LVRN: variants seen among roughly 807,000 people sequenced by gnomAD.
LVRN encodes aminopeptidase Q.
LVRN carries 99 observed loss-of-function variants against 111.4 expected under a neutral mutation model. The observed-to-expected ratio is 0.89, with a 90% CI of 0.76 to 1.05. The LOEUF is 1.05. Among genes scored for constraint, LVRN ranks in the 50% least tolerant of loss-of-function variants. The probability of loss-of-function intolerance (pLI) is 0.00; values close to 1 mark genes in which losing one functional copy is unlikely to be tolerated. For missense variants in LVRN, 1,414 were observed against 1,206.8 expected, an observed-to-expected ratio of 1.17 and a Z score of -2.54; for synonymous variants, 488 against 449.5, an observed-to-expected ratio of 1.09 and a Z score of -1.08.
At chr5:115,975,117 G>A (rs1753413462) in intron 1 of LVRN, 2 of 400,130 alleles carry the variant, frequency 5.0e-6, no homozygotes, top group South Asian at 2.2e-5. Context: ...ACAAGCATGG[G>A]CTCTTTCAAA....
rs1005293792 is a variant in LVRN, at chr5:115,997,544, G to A, written c.1375-2218G>A. 3.3e-5 allele frequency among the ~76,000 whole-genome samples: 5 copies of A among 151,924 alleles called. No individual in the cohort carries two copies. The South Asian group carries it at 8.3e-4, about 25-fold the overall frequency. On this transcript the variant is annotated intron_variant, in intron 6 of 19. Coordinates refer to ENST00000357872, the MANE Select transcript of LVRN (RefSeq NM_173800.5). ...CAGGGCATGGTGCTGCACCCTTGTA[G>A]TCCTAGCTACTCAGGAGGCTGCAGT... is the stretch of plus-strand genomic sequence containing the variant.
intron 18 of LVRN, chr5:116,021,725 T>C (rs1438965643): frequency 6.6e-6 from 3 of 452,676 alleles, no homozygotes; most frequent in African/African-American, 2.0e-5. Flanking sequence ...TTTATTTACT[T>C]TTTTAACTAC....
intron 15 of LVRN, among the ~76,000 whole-genome samples, chr5:116,012,921 T>C (rs1457029637): frequency 6.6e-6 from 1 of 152,186 alleles, no homozygotes; most frequent in Non-Finnish European, 1.5e-5. Flanking sequence ...GTCACTGCTA[T>C]AGGTCTGTGA....
At chr5:115,983,256 TA>T (rs367737125) in intron 1 of LVRN, 30 bp from the exon 2 acceptor site, 1 of 1,504,862 alleles carries the variant, frequency 6.6e-7, no homozygotes, top group South Asian at 1.3e-5. Context: ...GAAATAAAAA[TA>T]AATAAAAATT....
chr5:115,988,654 G>A (rs1170193539), intron 4 of LVRN, among the ~76,000 whole-genome samples: 1 of 152,184 alleles, frequency 6.6e-6, no homozygotes, highest in Non-Finnish European at 1.5e-5. Flanking sequence ...GAAGAAGGTA[G>A]GGAGTAAATA....
intron 6 of LVRN, among the ~76,000 whole-genome samples, chr5:115,994,179 T>C: frequency 6.6e-6 from 1 of 152,160 alleles, no homozygotes; most frequent in East Asian, 1.9e-4. Context: ...TTAAAAAAGA[T>C]TTTAAATGAC....
At position 115,992,186 on chromosome 5, in the gene LVRN, A is replaced by G. The variant is rs1447523216; in HGVS notation, c.1169A>G (p.Asp390Gly). Residue 390 changes from aspartate (D) to glycine (G), a missense_variant, in exon 5 of 20, where the codon GAT becomes GGT. Physicochemically the swap from Asp to Gly is moderately conservative, Grantham distance 94 (BLOSUM62 -1). Coordinates refer to ENST00000357872, the MANE Select transcript of LVRN (RefSeq NM_173800.5). ...GAAAACTGGGGACTAATGATATTTG[A>G]TGAATCAGGATTGTTGTTGGAACCA... ...AMENWGLMIF[D>G]ESGLLLEPKD... 9 of 1,614,008 alleles carry G rather than the reference A, an allele frequency of 5.6e-6. No individual in the cohort carries two copies. The highest frequency in any genetic ancestry group is 6.8e-6 in the Non-Finnish European group (8 of 1,179,896).
At chr5:115,973,309 A>G (rs751997194) in intron 1 of LVRN, among the ~76,000 whole-genome samples, 4 of 152,192 alleles carry the variant, frequency 2.6e-5, no homozygotes, top group African/African-American at 7.2e-5. Context: ...GATTTGCTCA[A>G]ATTTTGCTTA....
intron 1 of LVRN, among the ~76,000 whole-genome samples, chr5:115,964,844 C>T (rs1321804048): frequency 6.6e-6 from 1 of 152,204 alleles, no homozygotes; most frequent in Non-Finnish European, 1.5e-5. Context: ...CAAGGTAGAG[C>T]TCCAAAATTG....
chr5:115,982,663 T>A (rs1453737095), intron 1 of LVRN, among the ~76,000 whole-genome samples: 1 of 152,048 alleles, frequency 6.6e-6, no homozygotes, highest in African/African-American at 2.4e-5. Flanking sequence ...AAGTCACCAG[T>A]GTGTGGTGGG....
At chr5:116,016,704 T>C (rs967022966) in intron 18 of LVRN, among the ~76,000 whole-genome samples, 4 of 152,208 alleles carry the variant, frequency 2.6e-5, no homozygotes, top group African/African-American at 9.7e-5. Context: ...TCCATACAGT[T>C]TGACTACATA....
chr5:116,001,222 G>C lies in LVRN; in HGVS notation c.1803G>C (p.Arg601=). 1 of 1,613,748 alleles carries C rather than the reference G, an allele frequency of 6.2e-7. No individual in the cohort carries two copies. The highest frequency in any genetic ancestry group is 1.1e-5 in the South Asian group (1 of 90,966). ...EPFYLENIKN[R]TLLTSNDTWI... ...TTTATCTTGAAAACATTAAAAATCG[G>C]ACTCTTCTAACCAGCAAGTAGGTAG... The change falls in exon 10 of 20, where the codon CGG becomes CGC. Residue 601 remains arginine (R), a synonymous_variant. Transcript: ENST00000357872.
chr5:115,983,766 A>C (rs184152768), intron 2 of LVRN, among the ~76,000 whole-genome samples: 96 of 152,300 alleles, frequency 6.3e-4, no homozygotes, highest in African/African-American at 2.0e-3. Flanking sequence ...CAGTTGGCTC[A>C]TGTGCCTTTT....
chr5:116,002,273 T>G (rs1355552108), intron 10 of LVRN, among the ~76,000 whole-genome samples: 1 of 152,194 alleles, frequency 6.6e-6, no homozygotes, highest in Non-Finnish European at 1.5e-5. Flanking sequence ...GTGTGTCTCT[T>G]GCGATGACGA....
chr5:116,010,786 C>A lies in LVRN; in HGVS notation c.2139C>A (p.Tyr713Ter). 2.5e-6 allele frequency: 4 copies of A among 1,609,412 alleles called. No individual in the cohort carries two copies. In the Middle Eastern group the frequency reaches 6.6e-4, roughly 267 times the overall value. The stretch of plus-strand genomic sequence containing the variant: ...AAACAGCACTTGAGTTAACCAAGTA[C>A]CTTGCTGAAGAAGATGAAATTATAG... Reference protein sequence around the residue: ...EIETALELTKYLAEEDEIIVW... With the variant: ...EIETALELTK Residue 713 changes from tyrosine to a stop codon, truncating the protein, a stop_gained, in exon 14 of 20, where the codon TAC becomes TAA. Coordinates refer to ENST00000357872, the MANE Select transcript of LVRN (RefSeq NM_173800.5). LOFTEE classifies it high-confidence loss of function.
At chr5:116,004,817 A>G (rs532853966) in intron 12 of LVRN, among the ~76,000 whole-genome samples, 8 of 152,320 alleles carry the variant, frequency 5.3e-5, no homozygotes, top group African/African-American at 1.7e-4. Context: ...AAATAAGTTG[A>G]TATATGTATT....
Position 116,011,037 on chromosome 5 carries a change from A to G in LVRN, c.2247+143A>G, listed in dbSNP as rs1390610490. 5.5e-5 allele frequency: 10 copies of G among 182,362 alleles called. No individual in the cohort carries two copies. In the Admixed American group the frequency reaches 1.1e-3, roughly 20 times the overall value. The allele number at this position is 182,362 out of a possible 1,614,324, so 11.3% of individuals were successfully genotyped here. ...TATATATATATATATGGAAGTATATACATTTCCTTAACAAGGGCTGATTGA... is the reference window on the plus strand; with the variant it reads ...TATATATATATATATGGAAGTATATGCATTTCCTTAACAAGGGCTGATTGA... On this transcript the variant is annotated intron_variant, in intron 14 of 19. Transcript: ENST00000357872.
At chr5:115,983,785 G>A (rs1747775402) in intron 2 of LVRN, among the ~76,000 whole-genome samples, 1 of 152,020 alleles carries the variant, frequency 6.6e-6, no homozygotes. Flanking sequence ...TTTTTCTTTT[G>A]ATTAAATCAG....
intron 6 of LVRN, among the ~76,000 whole-genome samples, chr5:115,995,216 T>A (rs1360894836): frequency 6.6e-6 from 1 of 152,180 alleles, no homozygotes; most frequent in Non-Finnish European, 1.5e-5. Context: ...TGATAATCGA[T>A]GGTAGGTAGA....
Sources: gnomAD v4.1 joint callset for allele counts (sites outside exome capture counted in the v4.1 genomes callset) on GRCh38, gnomAD v4.1.1 for gene constraint, MANE v1.5 for transcripts, NCBI Gene and HGNC (gene_info 2026-07-23, HGNC 2026-07-21) for gene names.